PCGF5: variants seen among roughly 807,000 people sequenced by gnomAD.
The protein encoded by PCGF5 is polycomb group ring finger 5, also known as polycomb group RING finger protein 5.
In PCGF5, 9 loss-of-function variants were observed where a neutral mutation model predicts 44.3. The ratio of observed to expected loss-of-function variants is 0.20; its 90% CI spans 0.12 to 0.35. The LOEUF (loss-of-function observed/expected upper bound fraction) is 0.35, where lower values mean the gene tolerates loss of function less well. Among genes scored for constraint, PCGF5 ranks in the 10% least tolerant of loss-of-function variants. The pLI, the probability that PCGF5 is intolerant of heterozygous loss-of-function variation, is 1.00. For missense variants in PCGF5, 146 were observed against 305.3 expected, an observed-to-expected ratio of 0.48 and a Z score of 3.89; for synonymous variants, 95 against 102.5, an observed-to-expected ratio of 0.93 and a Z score of 0.44.
At chr10:91,264,399 T>G in intron 7 of PCGF5, 32 bp from the exon 8 acceptor site, 1 of 1,487,256 alleles carries the variant, frequency 6.7e-7, no homozygotes, top group Non-Finnish European at 9.1e-7. Context: ...TTCAACATTA[T>G]GTTAATAGAT....
intron 1 of PCGF5, among the ~76,000 whole-genome samples, chr10:91,196,659 C>T (rs1335295791): frequency 6.6e-6 from 1 of 152,176 alleles, no homozygotes; most frequent in East Asian, 1.9e-4. Context: ...TGTGTTTTTC[C>T]GTATTTCAGA....
At chr10:91,193,654 G>A (rs1011595859) in intron 1 of PCGF5, among the ~76,000 whole-genome samples, 8 of 152,028 alleles carry the variant, frequency 5.3e-5, no homozygotes. Flanking sequence ...TTTGGCTTTT[G>A]TTCCAAGTGA....
chr10:91,242,687 C>T (rs1311956860), intron 3 of PCGF5, among the ~76,000 whole-genome samples: 2 of 152,128 alleles, frequency 1.3e-5, no homozygotes, highest in Non-Finnish European at 2.9e-5. Context: ...CCCAGATTAG[C>T]TTCTTAGTAA....
chr10:91,210,156 C>T (rs544108144), intron 1 of PCGF5, among the ~76,000 whole-genome samples: 3 of 152,272 alleles, frequency 2.0e-5, no homozygotes, highest in South Asian at 4.1e-4. Flanking sequence ...GAGGGATGGG[C>T]CCCCACCTGT....
At chr10:91,161,442 G>C (rs935766390), upstream of PCGF5, among the ~76,000 whole-genome samples, 9 of 152,172 alleles carry the variant, frequency 5.9e-5, no homozygotes, top group African/African-American at 2.2e-4. Flanking sequence ...TTCAGTGTGT[G>C]ATCAGACAGC....
At chr10:91,275,011 A>G (rs772989708) in intron 9 of PCGF5, among the ~76,000 whole-genome samples, 24 of 152,218 alleles carry the variant, frequency 1.6e-4, no homozygotes, top group Non-Finnish European at 2.1e-4. Flanking sequence ...AGAAGAAAAT[A>G]TAGTTGAAGA....
chr10:91,267,903 T>G (rs1846084808), intron 8 of PCGF5, among the ~76,000 whole-genome samples: 1 of 152,328 alleles, frequency 6.6e-6, no homozygotes, highest in African/African-American at 2.4e-5. Flanking sequence ...GTGGTTCTTT[T>G]TCTTGTTTCT....
chr10:91,187,463 T>G (rs1192671624), intron 1 of PCGF5, among the ~76,000 whole-genome samples: 2 of 151,826 alleles, frequency 1.3e-5, no homozygotes, highest in South Asian at 4.2e-4. Flanking sequence ...TTCCCAGAGA[T>G]GAGGTAGAGG....
In PCGF5 at chr10:91,268,790, C is replaced by T. The variant is rs541161153; in HGVS notation, c.664-2848C>T. 1.6e-3 allele frequency among the ~76,000 whole-genome samples: 238 copies of T among 152,294 alleles called. 1 individual carries two copies. The highest frequency in any genetic ancestry group is 5.6e-3 in the African/African-American group (233 of 41,552). On this transcript the variant is annotated intron_variant, in intron 8 of 9. Transcript: ENST00000336126. Reference sequence around the variant, plus strand: ...CCTTTGTCTTGGGGTAGTTCCACTTCAGGCTAAGCCTGTTTTCTATGGTCC... The same window carrying T: ...CCTTTGTCTTGGGGTAGTTCCACTTTAGGCTAAGCCTGTTTTCTATGGTCC...
intron 8 of PCGF5, 123 bp from the exon 9 acceptor site, chr10:91,271,509 TGGAAAG>T: frequency 6.2e-6 from 4 of 640,294 alleles, no homozygotes; most frequent in Admixed American, 3.3e-5. Flanking sequence ...ACCATTTTTT[TGGAAAG>T]TGTTTATTTA....
chr10:91,238,841 T>C (rs964644415), intron 2 of PCGF5, among the ~76,000 whole-genome samples: 11 of 152,056 alleles, frequency 7.2e-5, no homozygotes, highest in African/African-American at 2.2e-4. Flanking sequence ...AAGTATTCAA[T>C]TGTACATAAT....
intron 8 of PCGF5, among the ~76,000 whole-genome samples, chr10:91,268,183 A>G (rs1377777175): frequency 3.3e-5 from 5 of 152,092 alleles, no homozygotes; most frequent in Non-Finnish European, 7.4e-5. Context: ...CCAGCATTAC[A>G]CATCATCTAC....
At chr10:91,244,594 C>T (rs1382949304) in intron 3 of PCGF5, among the ~76,000 whole-genome samples, 5 of 152,046 alleles carry the variant, frequency 3.3e-5, no homozygotes, top group Non-Finnish European at 5.9e-5. Flanking sequence ...TTGAGAACAC[C>T]GCGCGTATAA....
At chr10:91,185,953 T>G (rs1182663566) in intron 1 of PCGF5, among the ~76,000 whole-genome samples, 1 of 152,182 alleles carries the variant, frequency 6.6e-6, no homozygotes. Context: ...AAGTGCTGTA[T>G]TTACTCGCCC....
intron 1 of PCGF5, among the ~76,000 whole-genome samples, chr10:91,192,248 A>G (rs1291463876): frequency 6.6e-6 from 1 of 152,324 alleles, no homozygotes; most frequent in African/African-American, 2.4e-5. Context: ...TGACTATTTT[A>G]GTTTATTTTT....
chr10:91,248,422 A>T, intron 3 of PCGF5, 83 bp from the exon 4 acceptor site: 1 of 1,235,792 alleles, frequency 8.1e-7, no homozygotes, highest in Non-Finnish European at 1.2e-6. Context: ...TGTAACATGT[A>T]TAAGATTATA....
At chr10:91,240,934 A>C (rs1432770149) in intron 3 of PCGF5, among the ~76,000 whole-genome samples, 1 of 151,382 alleles carries the variant, frequency 6.6e-6, no homozygotes, top group Non-Finnish European at 1.5e-5. Flanking sequence ...TAGGACTGTT[A>C]ATTTTTTAAT....
chr10:91,246,106 T>C (rs577752576), intron 3 of PCGF5, among the ~76,000 whole-genome samples: 2 of 152,124 alleles, frequency 1.3e-5, no homozygotes, highest in Non-Finnish European at 2.9e-5. Flanking sequence ...TGACTGACCA[T>C]AGAACAGATT....
At chr10:91,265,580 T>C (rs1846031555) in intron 8 of PCGF5, among the ~76,000 whole-genome samples, 1 of 151,956 alleles carries the variant, frequency 6.6e-6, no homozygotes, top group African/African-American at 2.4e-5. Context: ...GAATAAGAAA[T>C]AAGAATCCAG....
Sources: allele counts gnomAD v4.1 joint callset (sites outside exome capture counted in the v4.1 genomes callset), GRCh38; gene constraint gnomAD v4.1.1; transcripts MANE v1.5; gene names NCBI Gene and HGNC (gene_info 2026-07-23, HGNC 2026-07-21).